JOSD1: variants seen among roughly 807,000 people sequenced by gnomAD.
JOSD1 encodes Josephin domain containing 1, also known as josephin-1.
Under a neutral mutation model 24.3 loss-of-function variants are expected in JOSD1, and 11 were observed. That is an observed-to-expected ratio of 0.45 (90% confidence interval 0.29 to 0.75). The LOEUF (loss-of-function observed/expected upper bound fraction) is 0.75, where lower values mean the gene tolerates loss of function less well. Ranked by LOEUF, JOSD1 falls within the 30% of genes least tolerant of loss-of-function variation. JOSD1 has a pLI of 0.11. For missense variants in JOSD1, 184 were observed against 253.5 expected (o/e 0.73, Z 1.86); for synonymous variants, 106 against 93.8 (o/e 1.13, Z -0.75).
chr22:38,692,544 C>T (rs774371064), intron 2 of JOSD1, among the ~76,000 whole-genome samples: 19 of 152,002 alleles, frequency 1.2e-4, no homozygotes, highest in Non-Finnish European at 2.1e-4. Flanking sequence ...TTTGGGAGGC[C>T]GAGGTGGGAG....
At chr22:38,689,510 C>T in intron 2 of JOSD1, 86 bp from the exon 3 acceptor site, 1 of 1,527,770 alleles carries the variant, frequency 6.5e-7, no homozygotes, top group Non-Finnish European at 8.9e-7. Flanking sequence ...GAGCACTTTA[C>T]ATCACTGCCC....
chr22:38,699,458 T>C (rs1353301088), intron 2 of JOSD1, among the ~76,000 whole-genome samples: 1 of 152,198 alleles, frequency 6.6e-6, no homozygotes, highest in East Asian at 1.9e-4. Context: ...AGCATAGATA[T>C]AAGAATTCAA....
chr22:38,687,030 T>C lies in JOSD1; in HGVS notation c.*872A>G, dbSNP rs774301963. 4 of 152,266 alleles carry C rather than the reference T, an allele frequency of 2.6e-5. No homozygotes were observed. Among genetic ancestry groups the C allele is most frequent in the African/African-American group, 4.8e-5 (2 of 41,462 alleles). The allele number at this position is 152,266 out of a possible 1,614,324, so 9.4% of individuals were successfully genotyped here. On this transcript the variant is annotated 3_prime_UTR_variant, in exon 5 of 5. Coordinates refer to ENST00000683374, the MANE Select transcript of JOSD1 (RefSeq NM_001360236.2). ...TAGAATATTAGTTAATTTTTCATTA[T>C]AAAACTCTGCCGGGTGCGGTGGCTC...
Position 38,689,573 on chromosome 22 carries a change from G to A in JOSD1, c.186-149C>T, listed in dbSNP as rs1168180887. ...TGCAATTTCCCCAGCTTCTACCTAA[G>A]TATTTTGTAAGTGTTCCATGAAGGT... is the stretch of plus-strand genomic sequence containing the variant. On this transcript the variant is annotated intron_variant, in intron 2 of 4. Coordinates refer to ENST00000683374, the MANE Select transcript of JOSD1 (RefSeq NM_001360236.2). The A allele has an allele frequency of 4.7e-6, 5 of 1,059,476 alleles. No homozygotes were observed. In the Admixed American group the frequency reaches 1.0e-4, roughly 21 times the overall value. The allele number at this position is 1,059,476 out of a possible 1,614,324, so 65.6% of individuals were successfully genotyped here.
In JOSD1 at chr22:38,700,279, T is replaced by G. The variant is rs2092562863; in HGVS notation, c.-292A>C. The G allele has an allele frequency of 9.7e-7, 1 of 1,028,426 alleles. No homozygotes were observed. Among genetic ancestry groups the G allele is most frequent in the Non-Finnish European group, 1.2e-6 (1 of 850,172 alleles). The allele number at this position is 1,028,426 out of a possible 1,614,324, so 63.7% of individuals were successfully genotyped here. On this transcript the variant is annotated 5_prime_UTR_variant, in exon 2 of 5. Transcript: ENST00000683374. ...TAAAATGTAAGACCTTGTTTCCGTTTCCCCACCCTTCCCTCCCACCCCCCT... is the reference window on the plus strand; with the variant it reads ...TAAAATGTAAGACCTTGTTTCCGTTGCCCCACCCTTCCCTCCCACCCCCCT...
chr22:38,697,350 G>A (rs1360663650), intron 2 of JOSD1, among the ~76,000 whole-genome samples: 1 of 152,194 alleles, frequency 6.6e-6, no homozygotes, highest in Non-Finnish European at 1.5e-5. Flanking sequence ...ATGCCCTTAT[G>A]TGCTGGCTTG....
At position 38,700,358 on chromosome 22, in the gene JOSD1, A is replaced by T. The variant is rs781739620; in HGVS notation, c.-371T>A. The stretch of plus-strand genomic sequence containing the variant: ...TCCCTCTGCAAATGCCAGGCCTCAA[A>T]GCAGGAGGACCGAACACAATCGGTC... On this transcript the variant is annotated 5_prime_UTR_variant, in exon 2 of 5. Coordinates refer to ENST00000683374, the MANE Select transcript of JOSD1 (RefSeq NM_001360236.2). 109 of 1,006,374 alleles carry T rather than the reference A, an allele frequency of 1.1e-4. No individual in the cohort carries two copies. The highest frequency in any genetic ancestry group is 1.2e-4 in the Non-Finnish European group (105 of 842,182). The allele number at this position is 1,006,374 out of a possible 1,614,324, so 62.3% of individuals were successfully genotyped here.
chr22:38,688,787 G>T (rs2092509166), intron 4 of JOSD1, 148 bp downstream of exon 4: 1 of 758,624 alleles, frequency 1.3e-6, no homozygotes, highest in Non-Finnish European at 2.2e-6. Flanking sequence ...TTAAGGTCAG[G>T]TCCGAGACAC....
chr22:38,694,615 C>T (rs769867817), intron 2 of JOSD1, among the ~76,000 whole-genome samples: 8 of 152,062 alleles, frequency 5.3e-5, no homozygotes, highest in African/African-American at 9.7e-5. Context: ...GTAATCCCAG[C>T]ACTCTGGGAG....
chr22:38,690,790 G>GT (rs1259946565), intron 2 of JOSD1, among the ~76,000 whole-genome samples: 1 of 152,114 alleles, frequency 6.6e-6, no homozygotes, highest in Non-Finnish European at 1.5e-5. Flanking sequence ...GGAGGCTGAG[G>GT]TGGGCAGATC....
chr22:38,695,501 G>T, intron 2 of JOSD1, among the ~76,000 whole-genome samples: 1 of 142,260 alleles, frequency 7.0e-6, no homozygotes, highest in Non-Finnish European at 1.5e-5. Context: ...AGGCTGGAAT[G>T]CAGTGGCACG....
At chr22:38,700,732 G>A (rs2092565675) in intron 1 of JOSD1, 68 bp downstream of exon 1, 6 of 979,956 alleles carry the variant, frequency 6.1e-6, no homozygotes, top group Non-Finnish European at 7.3e-6. Context: ...CCCGCGAGGG[G>A]TGGGGCCGGA....
chr22:38,700,492 C>A lies in JOSD1; in HGVS notation c.-505G>T. Reference sequence around the variant, plus strand: ...GCACGAGTCGAGTAGCTAGCGCGGGCCGGCAGGCGTGGGACCGCGAGCCGC... The same window carrying A: ...GCACGAGTCGAGTAGCTAGCGCGGGACGGCAGGCGTGGGACCGCGAGCCGC... On this transcript the variant is annotated 5_prime_UTR_variant, in exon 2 of 5. Coordinates refer to ENST00000683374, the MANE Select transcript of JOSD1 (RefSeq NM_001360236.2). The A allele has an allele frequency of 1.0e-6, 1 of 986,224 alleles. No individual in the cohort carries two copies. Among genetic ancestry groups the A allele is most frequent in the East Asian group, 1.1e-4 (1 of 8,816 alleles). The allele number at this position is 986,224 out of a possible 1,614,324, so 61.1% of individuals were successfully genotyped here. A position where few individuals can be genotyped will look rare whatever the true frequency, so the allele number is the denominator to read the frequency against.
chr22:38,692,622 T>C (rs745726105), intron 2 of JOSD1, among the ~76,000 whole-genome samples: 7 of 150,554 alleles, frequency 4.6e-5, no homozygotes, highest in Non-Finnish European at 8.9e-5. Context: ...CTACTAAAAA[T>C]ACAAAAAAAT....
rs537777231 is a variant in JOSD1 at position 38,692,238 on chromosome 22, A to G, written c.186-2814T>C. Among the ~76,000 whole-genome samples the G allele has an allele frequency of 5.9e-4, 90 of 152,290 alleles. 3 individuals carry two copies. In the South Asian group the frequency reaches 0.018, roughly 30 times the overall value. On this transcript the variant is annotated intron_variant, in intron 2 of 4. Transcript: ENST00000683374. The stretch of plus-strand genomic sequence containing the variant: ...TTATTTCTATTGTATAGGTCCATAA[A>G]ACTGAGGTTTGGTGGTTTTAACTGA...
rs1430780234 is a variant in JOSD1, at chr22:38,699,922, T to G, written c.66A>C (p.Ala22=). ...KSESLELPQA[A]PPQIYHEKQR... is the part of the protein sequence containing the mutation. ...GTTTCTCATGGTAGATTTGTGGGGG[T>G]GCTGCCTGGGGCAGCTCCAATGATT... Residue 22 remains alanine, a synonymous_variant, in exon 2 of 5, where the codon GCA becomes GCC. Coordinates refer to ENST00000683374, the MANE Select transcript of JOSD1 (RefSeq NM_001360236.2). 2 of 1,614,140 alleles carry G rather than the reference T, an allele frequency of 1.2e-6. No homozygotes were observed. Among genetic ancestry groups the G allele is most frequent in the Non-Finnish European group, 1.7e-6 (2 of 1,179,970 alleles).
Position 38,695,925 on chromosome 22 carries a change from G to A in JOSD1, c.185+3878C>T, listed in dbSNP as rs527427343. Among the ~76,000 whole-genome samples the A allele has an allele frequency of 5.9e-5, 9 of 152,220 alleles. No individual in the cohort carries two copies. In the East Asian group the frequency reaches 1.4e-3, roughly 23 times the overall value. Reference sequence around the variant, plus strand: ...ACTAAAATTAGCCGGATGTGGTGGCGGGCGTCTATACTCTCAGCTACTCAG... The same window carrying A: ...ACTAAAATTAGCCGGATGTGGTGGCAGGCGTCTATACTCTCAGCTACTCAG... On this transcript the variant is annotated intron_variant, in intron 2 of 4. Transcript: ENST00000683374.
intron 2 of JOSD1, among the ~76,000 whole-genome samples, chr22:38,696,530 G>A (rs759984892): frequency 3.3e-5 from 5 of 152,072 alleles, no homozygotes; most frequent in Admixed American, 6.6e-5. Context: ...GTGAGCCACC[G>A]TGCCTGGCCC....
At chr22:38,699,398 T>G (rs931532742) in intron 2 of JOSD1, among the ~76,000 whole-genome samples, 2 of 152,218 alleles carry the variant, frequency 1.3e-5, no homozygotes, top group Non-Finnish European at 2.9e-5. Context: ...TTCTAGACTG[T>G]AAACTCCTCG....
Sources: gnomAD v4.1 joint callset for allele counts (sites outside exome capture counted in the v4.1 genomes callset) on GRCh38, gnomAD v4.1.1 for gene constraint, MANE v1.5 for transcripts, NCBI Gene and HGNC (gene_info 2026-07-23, HGNC 2026-07-21) for gene names.